Variants in ARHGAP28 observed in about 807,000 individuals in gnomAD.
The protein encoded by ARHGAP28 is Rho GTPase activating protein 28, also known as rho GTPase-activating protein 28.
In ARHGAP28, 56 loss-of-function variants were observed where a neutral mutation model predicts 90.7. That is an observed-to-expected ratio of 0.62 (90% CI 0.50 to 0.77). The LOEUF (loss-of-function observed/expected upper bound fraction) is 0.77. ARHGAP28 is among the 30% of genes least tolerant of loss of function. The pLI is 0.00. For synonymous variants in ARHGAP28, 308 were observed against 323.3 expected (o/e 0.95, Z 0.51); for missense variants, 869 against 900.9 (o/e 0.96, Z 0.45).
rs1371619806 is a variant in ARHGAP28, at chr18:6,856,824, T to G, written c.637-2984T>G. Among the ~76,000 whole-genome samples, 6 of 152,362 alleles carry G rather than the reference T, an allele frequency of 3.9e-5. No individual in the cohort carries two copies. The East Asian group carries it at 9.6e-4, about 24-fold the overall frequency. On this transcript the variant is annotated intron_variant, in intron 4 of 17. Coordinates refer to ENST00000383472, the MANE Select transcript of ARHGAP28 (RefSeq NM_001366230.1). ...AAGCCCAGCCGTGATTTCTAACACC[T>G]TAGCTTGGTTTCCCATTTCATATAA...
chr18:6,831,851 T>G (rs114562597), intron 2 of ARHGAP28, among the ~76,000 whole-genome samples: 147 of 152,238 alleles, frequency 9.7e-4, no homozygotes, highest in African/African-American at 3.5e-3. Flanking sequence ...TTAAACATGA[T>G]GGTAATTGTA....
intron 1 of ARHGAP28, 142 bp downstream of exon 1, chr18:6,730,085 G>A: frequency 1.2e-6 from 1 of 869,224 alleles, no homozygotes; most frequent in Non-Finnish European, 1.6e-6. Flanking sequence ...GAGTGAGCCT[G>A]GGGTTCTTTG....
At chr18:6,812,532 G>T (rs941686560) in intron 1 of ARHGAP28, among the ~76,000 whole-genome samples, 2 of 152,090 alleles carry the variant, frequency 1.3e-5, no homozygotes, top group African/African-American at 4.8e-5. Context: ...TCCTGATTTG[G>T]GTTATTCCTC....
chr18:6,907,669 A>C (rs549880183), intron 16 of ARHGAP28, among the ~76,000 whole-genome samples: 1 of 152,246 alleles, frequency 6.6e-6, no homozygotes, highest in South Asian at 2.1e-4. Flanking sequence ...GATGGGGAGA[A>C]GGAGTGAATG....
At chr18:6,903,556 G>C (rs2057348467) in intron 16 of ARHGAP28, among the ~76,000 whole-genome samples, 1 of 151,918 alleles carries the variant, frequency 6.6e-6, no homozygotes. Context: ...AGATAGGCTG[G>C]GCACGATGAC....
intron 1 of ARHGAP28, among the ~76,000 whole-genome samples, chr18:6,792,218 G>A (rs1221558822): frequency 6.6e-6 from 1 of 152,296 alleles, no homozygotes; most frequent in East Asian, 1.9e-4. Context: ...GGAGGTGTAT[G>A]TGTCCTCGAC....
rs1352961420 is a variant in ARHGAP28 at position 6,875,489 on chromosome 18, G to C, written c.1213-642G>C. Among the ~76,000 whole-genome samples, 6 of 152,196 alleles carry C rather than the reference G, an allele frequency of 3.9e-5. No homozygotes were observed. The East Asian group carries it at 1.2e-3, about 29-fold the overall frequency. ...CCTTTCCAGAGAAGCACTGTGAGGT[G>C]CTTTATTACAGTGAATCGAACTGTT... On this transcript the variant is annotated intron_variant, in intron 9 of 17. Transcript: ENST00000383472.
At chr18:6,911,061 C>G (rs1030291636) in intron 17 of ARHGAP28, among the ~76,000 whole-genome samples, 2 of 152,042 alleles carry the variant, frequency 1.3e-5, no homozygotes, top group African/African-American at 4.8e-5. Context: ...GTCCCGATCT[C>G]CTGACCTTGT....
In ARHGAP28 at chr18:6,896,559, A is replaced by T; in HGVS notation, c.1963A>T (p.Met655Leu). Residue 655 changes from methionine to leucine, a missense_variant, in exon 16 of 18, where the codon ATG becomes TTG. Transcript: ENST00000383472. Reference protein sequence around the residue: ...VHAPLLSKVSMAIQLNNQTKA... With the variant: ...VHAPLLSKVSLAIQLNNQTKA... ...TGCTCCACTTCTCTCCAAGGTGTCC[A>T]TGGCCATTCAACTCAACAATCAAAC... The T allele has an allele frequency of 6.2e-7, 1 of 1,614,186 alleles. No homozygotes were observed. The highest frequency in any genetic ancestry group is 2.2e-5 in the East Asian group (1 of 44,874).
chr18:6,828,039 A>T (rs1348754182), intron 2 of ARHGAP28, among the ~76,000 whole-genome samples: 1 of 152,114 alleles, frequency 6.6e-6, no homozygotes, highest in African/African-American at 2.4e-5. Flanking sequence ...AGATCACGCC[A>T]CTGCACTCCA....
rs138816290 is a variant in ARHGAP28 at position 6,748,923 on chromosome 18, C to T, written c.122+18980C>T. Among the ~76,000 whole-genome samples the T allele has an allele frequency of 3.0e-3, 459 of 152,168 alleles. 2 individuals carry two copies. The highest frequency in any genetic ancestry group is 0.01 in the African/African-American group (425 of 41,512). On this transcript the variant is annotated intron_variant, in intron 1 of 17. Coordinates refer to ENST00000383472, the MANE Select transcript of ARHGAP28 (RefSeq NM_001366230.1). ...TGGCTGTGTGATCTGCACAGGAGAC[C>T]GTCAGTCACTAGTCTTGTGTGTCAA...
At chr18:6,883,089 A>AC (rs1046340526) in intron 11 of ARHGAP28, among the ~76,000 whole-genome samples, 2 of 152,176 alleles carry the variant, frequency 1.3e-5, no homozygotes, top group African/African-American at 4.8e-5. Context: ...TTCTACATGG[A>AC]CCAAAAAGGT....
rs113144982 is a variant in ARHGAP28 at position 6,847,630 on chromosome 18, G to GTGTGT, written c.544-3404_544-3403insTGTGT. ...AAGGATGAGAGAGAGAGAGAGTGGG[G>GTGTGT]GTGTGTGTGTGTGTGTGTGTGTAGG... is the stretch of plus-strand genomic sequence containing the variant. On this transcript the variant is annotated intron_variant, in intron 3 of 17. Transcript: ENST00000383472. 4.2e-3 allele frequency among the ~76,000 whole-genome samples: 636 copies of GTGTGT among 150,394 alleles called. 2 individuals are homozygous for GTGTGT. Among genetic ancestry groups the GTGTGT allele is most frequent in the Middle Eastern group, 0.01 (3 of 294 alleles).
At chr18:6,857,694 G>T (rs371008723) in intron 4 of ARHGAP28, among the ~76,000 whole-genome samples, 1 of 152,140 alleles carries the variant, frequency 6.6e-6, no homozygotes, top group African/African-American at 2.4e-5. Context: ...TTCACCCTAC[G>T]CCTTCACCTA....
intron 1 of ARHGAP28, among the ~76,000 whole-genome samples, chr18:6,778,244 C>T (rs2056299782): frequency 1.3e-5 from 2 of 152,128 alleles, no homozygotes; most frequent in Admixed American, 1.3e-4. Context: ...GAAATTAGTG[C>T]AGAGATGGAT....
chr18:6,853,353 A>G (rs2056925189), intron 4 of ARHGAP28, among the ~76,000 whole-genome samples: 1 of 152,122 alleles, frequency 6.6e-6, no homozygotes, highest in Non-Finnish European at 1.5e-5. Flanking sequence ...TTTATGGTCT[A>G]TTCTCTCTAA....
chr18:6,745,714 A>G (rs11663818), intron 1 of ARHGAP28, among the ~76,000 whole-genome samples: 57,338 of 152,138 alleles, frequency 0.38, 12,537 homozygotes, highest in East Asian at 0.55. Flanking sequence ...CCATCACAGC[A>G]TGTATGATTT....
chr18:6,860,390 C>A (rs561508951), intron 5 of ARHGAP28, among the ~76,000 whole-genome samples: 6 of 152,276 alleles, frequency 3.9e-5, no homozygotes, highest in Non-Finnish European at 8.8e-5. Flanking sequence ...AGTAACAGAA[C>A]TTGTACTTTT....
intron 1 of ARHGAP28, among the ~76,000 whole-genome samples, chr18:6,775,000 T>C (rs2056272506): frequency 6.6e-6 from 1 of 152,128 alleles, no homozygotes; most frequent in African/African-American, 2.4e-5. Flanking sequence ...CTAATTAGTC[T>C]GATCAATAGC....
Sources: gnomAD v4.1 joint callset for allele counts (sites outside exome capture counted in the v4.1 genomes callset) on GRCh38, gnomAD v4.1.1 for gene constraint, MANE v1.5 for transcripts, NCBI Gene and HGNC (gene_info 2026-07-23, HGNC 2026-07-21) for gene names.